Variants in NOTCH2NLA observed in about 807,000 individuals in gnomAD.
NOTCH2NLA encodes the protein notch homolog 2 N-terminal-like protein A.
In NOTCH2NLA at chr1:146,185,581, T is replaced by A. The variant is rs1345601132; in HGVS notation, c.38+3719A>T. Among the ~76,000 whole-genome samples, 35 of 135,698 alleles carry A rather than the reference T, an allele frequency of 2.6e-4. 9 individuals are homozygous for A. Among genetic ancestry groups the A allele is most frequent in the Non-Finnish European group, 5.3e-4 (31 of 58,576 alleles). 89.0% of individuals were successfully genotyped at this position (135,698 alleles called of 152,430 possible). On this transcript the variant is annotated intron_variant, in intron 2 of 4. Coordinates refer to ENST00000362074, the Ensembl canonical transcript of NOTCH2NLA. ...AAACTAATCTTCAAAAGTAGTTATC[T>A]TCATCTGTCAATGTGATCTTATCAA...
chr1:146,159,068 G>C (rs1450495295), intron 3 of NOTCH2NLA, among the ~76,000 whole-genome samples: 1 of 152,030 alleles, frequency 6.6e-6, no homozygotes, highest in Non-Finnish European at 1.5e-5. Context: ...GAAACAGAAA[G>C]ATCCCCGGGC....
intron 2 of NOTCH2NLA, among the ~76,000 whole-genome samples, chr1:146,170,803 A>T (rs1383822350): frequency 2.6e-5 from 3 of 114,998 alleles, no homozygotes; most frequent in Non-Finnish European, 5.9e-5. Flanking sequence ...CCCTTCAAGA[A>T]TCTGAAGATA....
chr1:146,228,156 G>A (rs1330033300), intron 1 of NOTCH2NLA, among the ~76,000 whole-genome samples: 1 of 138,306 alleles, frequency 7.2e-6, no homozygotes, highest in Non-Finnish European at 1.6e-5. Flanking sequence ...CAGGCGCGCC[G>A]CAAAACCCCG....
intron 3 of NOTCH2NLA, among the ~76,000 whole-genome samples, chr1:146,159,466 G>GGAGA (rs1661378199): frequency 7.6e-6 from 1 of 130,940 alleles, no homozygotes; most frequent in African/African-American, 2.8e-5. Context: ...AGAAAGAAAG[G>GGAGA]AAGGGAGAAA....
chr1:146,171,001 A>G lies in NOTCH2NLA; in HGVS notation c.39-5991T>C, dbSNP rs370610482. On this transcript the variant is annotated intron_variant, in intron 2 of 4. Transcript: ENST00000362074. ...GTATATACCCGAAGTAACTGAAAACATATTTTCTAAGTACTTAACTATGTA... is the reference window on the plus strand; with the variant it reads ...GTATATACCCGAAGTAACTGAAAACGTATTTTCTAAGTACTTAACTATGTA... 1.2e-3 allele frequency among the ~76,000 whole-genome samples: 161 copies of G among 139,824 alleles called. No individual in the cohort carries two copies. In the East Asian group the frequency reaches 0.028, roughly 24 times the overall value. The allele number at this position is 139,824 out of a possible 152,430, so 91.7% of individuals were successfully genotyped here.
intron 1 of NOTCH2NLA, among the ~76,000 whole-genome samples, chr1:146,222,089 CA>C (rs1159072127): frequency 1.2e-5 from 1 of 84,924 alleles, no homozygotes; most frequent in East Asian, 2.6e-4. Flanking sequence ...CAACACACCA[CA>C]ATGCTCCCCC....
intron 2 of NOTCH2NLA, among the ~76,000 whole-genome samples, chr1:146,167,028 GAACCCGGGAGGC>G: frequency 2.0e-5 from 2 of 98,384 alleles, no homozygotes; most frequent in Non-Finnish European, 4.3e-5. Context: ...AGAATTGCTT[GAACCCGGGAGGC>G]GGAGGTTGCA....
intron 2 of NOTCH2NLA, among the ~76,000 whole-genome samples, chr1:146,180,437 T>A (rs2746782): frequency 7.2e-6 from 1 of 138,470 alleles, no homozygotes; most frequent in Non-Finnish European, 1.7e-5. Context: ...AAGAGCATTT[T>A]GAGCAGAAAT....
chr1:146,171,915 ATCAT>A (rs1662007365), intron 2 of NOTCH2NLA, among the ~76,000 whole-genome samples: 1 of 146,966 alleles, frequency 6.8e-6, no homozygotes, highest in South Asian at 2.1e-4. Flanking sequence ...AATTGGAACT[ATCAT>A]TCATTCCTTT....
At chr1:146,178,115 G>T (rs1472712058) in intron 2 of NOTCH2NLA, among the ~76,000 whole-genome samples, 2 of 142,552 alleles carry the variant, frequency 1.4e-5, no homozygotes, top group African/African-American at 4.9e-5. Context: ...AAGATAAGGG[G>T]AATGAAAAAG....
rs1161267938 is a variant in NOTCH2NLA, at chr1:146,185,355, T to C, written c.38+3945A>G. Among the ~76,000 whole-genome samples, 4 of 135,004 alleles carry C rather than the reference T, an allele frequency of 3.0e-5. 1 individual carries two copies. The highest frequency in any genetic ancestry group is 1.6e-4 in the Admixed American group (2 of 12,898). 88.6% of individuals were successfully genotyped at this position (135,004 alleles called of 152,430 possible). On this transcript the variant is annotated intron_variant, in intron 2 of 4. Coordinates refer to ENST00000362074, the Ensembl canonical transcript of NOTCH2NLA. Reference sequence around the variant, plus strand: ...TTAATTACATATTTACACCTCCCAGTAGGACAAGGGAAAGAATAAAATATC... The same window carrying C: ...TTAATTACATATTTACACCTCCCAGCAGGACAAGGGAAAGAATAAAATATC...
rs78249043 is a variant in NOTCH2NLA, at chr1:146,187,853, C to T, written c.38+1447G>A. On this transcript the variant is annotated intron_variant, in intron 2 of 4. Transcript: ENST00000362074. The stretch of plus-strand genomic sequence containing the variant: ...AGGAGAATGCACCACATTTTTTTTT[C>T]CCCCAGCTAGAAAAACTAAATGAGC... 4.4e-5 allele frequency among the ~76,000 whole-genome samples: 6 copies of T among 135,468 alleles called. 1 individual carries two copies. The highest frequency in any genetic ancestry group is 1.0e-4 in the Non-Finnish European group (6 of 58,480). 88.9% of individuals were successfully genotyped at this position (135,468 alleles called of 152,430 possible). A position where few individuals can be genotyped will look rare whatever the true frequency, so the allele number is the denominator to read the frequency against.
At chr1:146,175,345 T>TCTAC (rs1662206089) in intron 2 of NOTCH2NLA, among the ~76,000 whole-genome samples, 1 of 133,442 alleles carries the variant, frequency 7.5e-6, no homozygotes, top group Non-Finnish European at 1.7e-5. Context: ...CCATTCCCAC[T>TCTAC]CTACTCTCAA....
chr1:146,159,419 G>GAAAGA (rs1661361612), intron 3 of NOTCH2NLA, among the ~76,000 whole-genome samples: 1 of 148,676 alleles, frequency 6.7e-6, no homozygotes, highest in East Asian at 2.0e-4. Context: ...AAGAAAGAAA[G>GAAAGA]AAAGAAAGAA....
intron 1 of NOTCH2NLA, among the ~76,000 whole-genome samples, chr1:146,200,591 T>C (rs1663375074): frequency 9.1e-6 from 1 of 109,582 alleles, no homozygotes; most frequent in African/African-American, 3.7e-5. Context: ...TTAATGATAT[T>C]TGATGAGGAG....
At position 146,180,148 on chromosome 1, in the gene NOTCH2NLA, T is replaced by A. The variant is rs1326001230; in HGVS notation, c.38+9152A>T. 9.1e-5 allele frequency among the ~76,000 whole-genome samples: 13 copies of A among 143,084 alleles called. 1 individual carries two copies. Among genetic ancestry groups the A allele is most frequent in the Admixed American group, 7.1e-5 (1 of 14,082 alleles). The allele number at this position is 143,084 out of a possible 152,430, so 93.9% of individuals were successfully genotyped here. ...AACTTTCAGTGTTCAGCACACAGGATTATAGACAGTGACTGCAGGAAAATG... is the reference window on the plus strand; with the variant it reads ...AACTTTCAGTGTTCAGCACACAGGAATATAGACAGTGACTGCAGGAAAATG... On this transcript the variant is annotated intron_variant, in intron 2 of 4. Transcript: ENST00000362074.
intron 2 of NOTCH2NLA, among the ~76,000 whole-genome samples, chr1:146,180,467 T>G (rs587607730): frequency 7.1e-6 from 1 of 141,692 alleles, no homozygotes; most frequent in South Asian, 2.2e-4. Flanking sequence ...TACTTTTTCA[T>G]AGGAGAAGGC....
chr1:146,157,468 A>G (rs1661219279), intron 3 of NOTCH2NLA, among the ~76,000 whole-genome samples: 1 of 142,152 alleles, frequency 7.0e-6, no homozygotes, highest in South Asian at 2.4e-4. Context: ...AAAAAAAAAA[A>G]AAATCAACTT....
intron 3 of NOTCH2NLA, among the ~76,000 whole-genome samples, chr1:146,159,400 A>G (rs1661353252): frequency 9.1e-6 from 1 of 109,902 alleles, no homozygotes; most frequent in Non-Finnish European, 1.9e-5. Context: ...AGAGAGAAAG[A>G]AAGAAAGAAA....
Sources: allele counts gnomAD v4.1 joint callset (sites outside exome capture counted in the v4.1 genomes callset), GRCh38; gene constraint gnomAD v4.1.1; transcripts MANE v1.5; gene names NCBI Gene and HGNC (gene_info 2026-07-23, HGNC 2026-07-21).